The following KPNA5 variants were observed in gnomAD, a reference collection of about 807,000 sequenced individuals.
KPNA5 encodes importin subunit alpha-6.
In KPNA5, 46 loss-of-function variants were observed where a neutral mutation model predicts 71.3. The ratio of observed to expected loss-of-function variants is 0.65; its 90% CI spans 0.51 to 0.83. KPNA5 has a LOEUF of 0.83. Among genes scored for constraint, KPNA5 ranks in the 40% least tolerant of loss-of-function variants. KPNA5 has a pLI of 0.00. For synonymous variants in KPNA5, 207 were observed against 201.4 expected (o/e 1.03, Z -0.24); for missense variants, 547 against 628.3 (o/e 0.87, Z 1.38).
chr6:116,735,452 T>C lies in KPNA5; in HGVS notation c.*3129T>C, dbSNP rs1217582903. On this transcript the variant is annotated 3_prime_UTR_variant, in exon 14 of 14. Coordinates refer to ENST00000368564, the MANE Select transcript of KPNA5 (RefSeq NM_001366306.2). Reference sequence around the variant, plus strand: ...AGTTTAGTTTATAGCATTACTGTTTTATGAAATGTGACATTTTAGGAGCCA... The same window carrying C: ...AGTTTAGTTTATAGCATTACTGTTTCATGAAATGTGACATTTTAGGAGCCA... 1 of 151,698 alleles carries C rather than the reference T, an allele frequency of 6.6e-6. No individual in the cohort carries two copies. The highest frequency in any genetic ancestry group is 1.5e-5 in the Non-Finnish European group (1 of 67,692). 9.4% of individuals were successfully genotyped at this position (151,698 alleles called of 1,614,324 possible). A position where few individuals can be genotyped will look rare whatever the true frequency, so the allele number is the denominator to read the frequency against.
At chr6:116,720,121 G>C (rs1186321882) in intron 8 of KPNA5, among the ~76,000 whole-genome samples, 1 of 152,120 alleles carries the variant, frequency 6.6e-6, no homozygotes, top group East Asian at 1.9e-4. Context: ...AGTCTATCCT[G>C]CTTCTTATCA....
intron 9 of KPNA5, 87 bp downstream of exon 9, chr6:116,722,376 GTCA>G: frequency 9.5e-7 from 1 of 1,056,440 alleles, no homozygotes; most frequent in Non-Finnish European, 1.3e-6. Context: ...TATCTCAAGA[GTCA>G]CTGTCTTCAG....
chr6:116,697,554 A>G (rs1314976123), intron 4 of KPNA5, among the ~76,000 whole-genome samples: 1 of 152,076 alleles, frequency 6.6e-6, no homozygotes, highest in Non-Finnish European at 1.5e-5. Flanking sequence ...TGATTTGTAC[A>G]GGTGTTTTAT....
intron 1 of KPNA5, among the ~76,000 whole-genome samples, chr6:116,684,934 G>A (rs936813338): frequency 6.6e-6 from 1 of 152,190 alleles, no homozygotes; most frequent in Non-Finnish European, 1.5e-5. Context: ...TTACTGATGG[G>A]AATGCAAGAT....
At chr6:116,704,100 T>G (rs1444457532) in intron 6 of KPNA5, among the ~76,000 whole-genome samples, 1 of 152,000 alleles carries the variant, frequency 6.6e-6, no homozygotes, top group Non-Finnish European at 1.5e-5. Flanking sequence ...TGCAGTGACA[T>G]GATCTCAGCT....
At chr6:116,719,608 A>G (rs1343774092) in intron 8 of KPNA5, among the ~76,000 whole-genome samples, 1 of 152,048 alleles carries the variant, frequency 6.6e-6, no homozygotes, top group African/African-American at 2.4e-5. Flanking sequence ...GCACTTTGGG[A>G]GGCTGAGGTG....
chr6:116,710,289 G>A (rs571478042), intron 7 of KPNA5, among the ~76,000 whole-genome samples: 5 of 152,066 alleles, frequency 3.3e-5, no homozygotes, highest in East Asian at 3.9e-4. Flanking sequence ...TGTATATTCC[G>A]AAGAAATATT....
At chr6:116,701,661 CTTATT>C (rs764128173) in intron 5 of KPNA5, among the ~76,000 whole-genome samples, 23 of 152,138 alleles carry the variant, frequency 1.5e-4, no homozygotes, top group Non-Finnish European at 3.1e-4. Context: ...AGTAGTGTCT[CTTATT>C]TATTTTTAAA....
rs1407764329 is a variant in KPNA5, at chr6:116,692,100, A to G, written c.184A>G (p.Met62Val). Reference protein sequence around the residue: ...NVYLPRNDESMLESPIQDPDI... With the variant: ...NVYLPRNDESVLESPIQDPDI... ...CTATTTGCCCAGAAATGATGAATCT[A>G]TGCTTGAAAGTCCTATACAGGATCC... Residue 62 changes from methionine (M) to valine (V), a missense_variant, in exon 3 of 14, where the codon ATG (methionine) becomes GTG (valine). Coordinates refer to ENST00000368564, the MANE Select transcript of KPNA5 (RefSeq NM_001366306.2). 4.3e-6 allele frequency: 7 copies of G among 1,613,050 alleles called. No homozygotes were observed. The highest frequency in any genetic ancestry group is 5.9e-6 in the Non-Finnish European group (7 of 1,179,352).
At chr6:116,694,284 A>G (rs1013155990) in intron 4 of KPNA5, among the ~76,000 whole-genome samples, 5 of 152,244 alleles carry the variant, frequency 3.3e-5, no homozygotes, top group African/African-American at 9.6e-5. Flanking sequence ...AAAGTCATTA[A>G]TAGCTTGATG....
intron 5 of KPNA5, among the ~76,000 whole-genome samples, chr6:116,701,541 T>C (rs974698218): frequency 7.9e-5 from 12 of 152,216 alleles, no homozygotes; most frequent in Admixed American, 3.3e-4. Flanking sequence ...ATACCTAATC[T>C]CTCAACTTCT....
In KPNA5 at chr6:116,732,072, GTTTATATATATATATA is replaced by G. The variant is rs1779504045; in HGVS notation, c.1433-62_1433-47del. 1.0e-4 allele frequency: 7 copies of G among 69,542 alleles called. 1 individual carries two copies. The South Asian group carries it at 1.3e-3, about 13-fold the overall frequency. 4.3% of individuals were successfully genotyped at this position (69,542 alleles called of 1,614,324 possible). On this transcript the variant is annotated intron_variant, in intron 13 of 13. Transcript: ENST00000368564. ...TATACTGAAATTGTAGTAACAGTTT[GTTTATATATATATATA>G]TATATATATATATATATATATATAT...
chr6:116,722,114 C>A lies in KPNA5; in HGVS notation c.757-12C>A, dbSNP rs757829240. 6.6e-7 allele frequency: 1 copy of A among 1,512,496 alleles called. No homozygotes were observed. The highest frequency in any genetic ancestry group is 8.9e-7 in the Non-Finnish European group (1 of 1,126,982). 93.7% of individuals were successfully genotyped at this position (1,512,496 alleles called of 1,614,324 possible). A position where few individuals can be genotyped will look rare whatever the true frequency, so the allele number is the denominator to read the frequency against. On this transcript the variant is annotated splice_polypyrimidine_tract_variant and intron_variant, in intron 8 of 13. Transcript: ENST00000368564. ...GAGAAAAAATTTAAATATGCTCTTT[C>A]TTCCCTTACAGGTTTCACCTTGCTT...
intron 4 of KPNA5, among the ~76,000 whole-genome samples, chr6:116,695,901 G>C (rs1778009353): frequency 6.6e-6 from 1 of 152,082 alleles, no homozygotes; most frequent in Admixed American, 6.5e-5. Flanking sequence ...TGCCACCAGT[G>C]TTTTTGTACC....
intron 7 of KPNA5, among the ~76,000 whole-genome samples, chr6:116,712,476 A>G (rs1240507792): frequency 6.6e-6 from 1 of 152,196 alleles, no homozygotes; most frequent in Non-Finnish European, 1.5e-5. Flanking sequence ...CTTTGATTCT[A>G]AAATGAGTCA....
In KPNA5 at chr6:116,736,588, A is replaced by C. The variant is rs1158645997; in HGVS notation, c.*4265A>C. 6.6e-6 allele frequency: 1 copy of C among 152,002 alleles called. No individual in the cohort carries two copies. The highest frequency in any genetic ancestry group is 1.9e-4 in the East Asian group (1 of 5,192). 9.4% of individuals were successfully genotyped at this position (152,002 alleles called of 1,614,324 possible). On this transcript the variant is annotated 3_prime_UTR_variant, in exon 14 of 14. Coordinates refer to ENST00000368564, the MANE Select transcript of KPNA5 (RefSeq NM_001366306.2). ...AAATGCATATTTTACACCCCAAAGC[A>C]ACCAATTCTTGTTCTTGGAGTTAGC...
At chr6:116,698,309 G>C (rs17078230) in intron 4 of KPNA5, among the ~76,000 whole-genome samples, 2,704 of 152,084 alleles carry the variant, frequency 0.018, 69 homozygotes, top group South Asian at 0.06. Flanking sequence ...GTAAATTGTG[G>C]TTGATAATGA....
intron 1 of KPNA5, among the ~76,000 whole-genome samples, chr6:116,686,972 C>T (rs1389975212): frequency 6.6e-6 from 1 of 152,136 alleles, no homozygotes; most frequent in Non-Finnish European, 1.5e-5. Context: ...ATGATGCCTC[C>T]AACTTTGTTC....
intron 4 of KPNA5, among the ~76,000 whole-genome samples, chr6:116,693,690 T>C (rs1488352669): frequency 2.0e-5 from 3 of 152,216 alleles, no homozygotes; most frequent in African/African-American, 7.2e-5. Flanking sequence ...GTAGGTTGCC[T>C]GTTCACTCTG....
Sources: allele counts gnomAD v4.1 joint callset (sites outside exome capture counted in the v4.1 genomes callset), GRCh38; gene constraint gnomAD v4.1.1; transcripts MANE v1.5; gene names NCBI Gene and HGNC (gene_info 2026-07-23, HGNC 2026-07-21).